Variants in CTBP2 observed in about 807,000 individuals in gnomAD.
CTBP2 encodes the protein C-terminal-binding protein 2.
In CTBP2, 30 loss-of-function variants were observed where a neutral mutation model predicts 80.3. The ratio of observed to expected loss-of-function variants is 0.37; its 90% CI spans 0.28 to 0.51. The LOEUF (loss-of-function observed/expected upper bound fraction) is 0.51, where lower values mean the gene tolerates loss of function less well. CTBP2 is among the 20% of genes least tolerant of loss of function. The pLI is 0.93. For missense variants in CTBP2, 1,212 were observed against 1,375.3 expected, an observed-to-expected ratio of 0.88 and a Z score of 1.88; for synonymous variants, 594 against 587.4, an observed-to-expected ratio of 1.01 and a Z score of -0.16.
chr10:125,111,351 T>C (rs1852265847), intron 1 of CTBP2, among the ~76,000 whole-genome samples: 1 of 152,224 alleles, frequency 6.6e-6, no homozygotes, highest in Admixed American at 6.5e-5. Flanking sequence ...CAGAAGGTGA[T>C]ATTGTGTCAT....
intron 2 of CTBP2, among the ~76,000 whole-genome samples, chr10:125,068,709 G>A (rs2135427213): frequency 6.6e-6 from 1 of 152,298 alleles, no homozygotes; most frequent in Admixed American, 6.5e-5. Flanking sequence ...GAGCTGCAGA[G>A]GACTCATCAG....
At chr10:125,014,154 C>T (rs796444498) in intron 1 of CTBP2, among the ~76,000 whole-genome samples, 66 of 152,338 alleles carry the variant, frequency 4.3e-4, no homozygotes, top group African/African-American at 1.5e-3. Context: ...GATAGTAACA[C>T]GTGTGTGCTG....
intron 2 of CTBP2, among the ~76,000 whole-genome samples, chr10:125,080,619 A>C (rs769067565): frequency 6.6e-6 from 1 of 152,242 alleles, no homozygotes; most frequent in East Asian, 1.9e-4. Context: ...GACGCACATA[A>C]GAAATTTAAA....
intron 1 of CTBP2, among the ~76,000 whole-genome samples, chr10:125,129,810 A>G (rs1004452449): frequency 6.6e-6 from 1 of 152,234 alleles, no homozygotes; most frequent in Admixed American, 6.5e-5. Context: ...TCCAAGTCCA[A>G]GTCTGCAAAC....
chr10:125,058,460 G>A (rs565830182), intron 2 of CTBP2, among the ~76,000 whole-genome samples: 6 of 152,232 alleles, frequency 3.9e-5, no homozygotes, highest in Non-Finnish European at 8.8e-5. Context: ...TTCACACAGC[G>A]AGGCATGGGC....
chr10:125,101,058 A>G (rs1850542914), intron 2 of CTBP2, among the ~76,000 whole-genome samples: 1 of 152,252 alleles, frequency 6.6e-6, no homozygotes, highest in Non-Finnish European at 1.5e-5. Context: ...TACACGATCC[A>G]GGGATCTTAT....
rs368422675 is a variant in CTBP2 at position 125,026,492 on chromosome 10, G to A, written c.1268C>T (p.Ala423Val). ...TGGGGCATGGGTGCCCACGCCAGGG[G>A]CAGAATAGGTGGCTGCCGTCTCCAG... The change falls in exon 1 of 9, where the codon GCC becomes GTC. Residue 423 changes from alanine to valine, a missense_variant. Transcript: ENST00000309035. 126 of 1,602,874 alleles carry A rather than the reference G, an allele frequency of 7.9e-5. No homozygotes were observed. The highest frequency in any genetic ancestry group is 9.5e-5 in the Non-Finnish European group (112 of 1,172,782).
chr10:125,143,215 T>C (rs1406886505), intron 1 of CTBP2, among the ~76,000 whole-genome samples: 2 of 152,076 alleles, frequency 1.3e-5, no homozygotes, highest in African/African-American at 2.4e-5. Flanking sequence ...CGGCCGGGTG[T>C]GTTGGCTCAC....
At chr10:125,097,734 G>C (rs1849754533) in intron 2 of CTBP2, among the ~76,000 whole-genome samples, 1 of 152,166 alleles carries the variant, frequency 6.6e-6, no homozygotes, top group African/African-American at 2.4e-5. Flanking sequence ...TAGGTGAGGG[G>C]CATTGGCAAC....
intron 2 of CTBP2, among the ~76,000 whole-genome samples, chr10:125,075,833 G>T (rs1590580821): frequency 6.6e-6 from 1 of 152,354 alleles, no homozygotes; most frequent in East Asian, 1.9e-4. Flanking sequence ...GCAGCTGGCA[G>T]GAGTGGAAAT....
At position 125,002,856 on chromosome 10, in the gene CTBP2, C is replaced by T. The variant is rs367749596; in HGVS notation, c.1978+104G>A. 1,905 of 1,415,452 alleles carry T rather than the reference C, an allele frequency of 1.3e-3. 41 individuals are homozygous for T. In the South Asian group the frequency reaches 0.023, roughly 17 times the overall value. 87.7% of individuals were successfully genotyped at this position (1,415,452 alleles called of 1,614,324 possible). On this transcript the variant is annotated intron_variant, in intron 3 of 8. Transcript: ENST00000309035. ...GCAGCCACCTTGCTACAGCCAGAAG[C>T]GGCTGCTCCGTGGTCCCAGTTCCAG... is the stretch of plus-strand genomic sequence containing the variant.
chr10:125,154,082 T>C lies in CTBP2; in HGVS notation c.-206+6237A>G, dbSNP rs1179901444. Among the ~76,000 whole-genome samples, 3 of 152,226 alleles carry C rather than the reference T, an allele frequency of 2.0e-5. No individual in the cohort carries two copies. In the East Asian group the frequency reaches 5.8e-4, roughly 29 times the overall value. On this transcript the variant is annotated intron_variant, in intron 1 of 10. Coordinates refer to the CTBP2 transcript ENST00000337195. The stretch of plus-strand genomic sequence containing the variant: ...ATCTTTAAGGCAGCTGACAGTTTCT[T>C]TTAGTCATAATTAAGGATTTGTTTT...
upstream of CTBP2, among the ~76,000 whole-genome samples, chr10:125,162,192 A>G (rs1330539382): frequency 3.3e-5 from 5 of 152,224 alleles, no homozygotes; most frequent in African/African-American, 4.8e-5. Context: ...TGAGATGTCG[A>G]GCAGGAAAGG....
At chr10:125,095,513 G>A (rs1278377605) in intron 2 of CTBP2, among the ~76,000 whole-genome samples, 4 of 152,104 alleles carry the variant, frequency 2.6e-5, no homozygotes, top group African/African-American at 9.7e-5. Flanking sequence ...TTGGTGTTAG[G>A]GGTCACCAGG....
At chr10:124,998,579 T>G (rs1343679725) in intron 3 of CTBP2, 1 of 242,312 alleles carries the variant, frequency 4.1e-6, no homozygotes, top group African/African-American at 2.2e-5. Flanking sequence ...GTCTCCCTCA[T>G]GGAGCTGGCA....
chr10:125,050,888 T>C (rs1258422407), intron 2 of CTBP2, among the ~76,000 whole-genome samples: 1 of 152,190 alleles, frequency 6.6e-6, no homozygotes, highest in East Asian at 1.9e-4. Context: ...CTTGTCATAA[T>C]GAACTGGGGT....
intron 1 of CTBP2, among the ~76,000 whole-genome samples, chr10:125,119,106 C>T (rs1269522932): frequency 6.6e-6 from 1 of 152,176 alleles, no homozygotes; most frequent in Non-Finnish European, 1.5e-5. Context: ...CCCAAGGACA[C>T]CTGATCTAAC....
intron 2 of CTBP2, among the ~76,000 whole-genome samples, chr10:125,046,537 C>CAAAAAAAAAAAAAAAAAAA (rs57913854): frequency 2.6e-5 from 3 of 114,774 alleles, no homozygotes; most frequent in Non-Finnish European, 3.5e-5. Flanking sequence ...GACTCTATCT[C>CAAAAAAAAAAAAAAAAAAA]AAAAAAAAAA....
At position 124,985,660 on chromosome 10, in the gene CTBP2, TTAAG is replaced by T. The variant is rs1302211057; in HGVS notation, c.*3854_*3857del. 1 of 152,090 alleles carries T rather than the reference TTAAG, an allele frequency of 6.6e-6. No individual in the cohort carries two copies. The highest frequency in any genetic ancestry group is 6.6e-5 in the Admixed American group (1 of 15,224). 9.4% of individuals were successfully genotyped at this position (152,090 alleles called of 1,614,324 possible). ...GGTTTTGGTTTTGGTTATTGTGTCTTTAAGTTTTCTGATATGCCCCCTTTCAATA... is the reference window on the plus strand; with the variant it reads ...GGTTTTGGTTTTGGTTATTGTGTCTTTTTTCTGATATGCCCCCTTTCAATA... On this transcript the variant is annotated 3_prime_UTR_variant, in exon 9 of 9. Coordinates refer to ENST00000309035, the MANE Select transcript of CTBP2 (RefSeq NM_022802.3).
Sources: gnomAD v4.1 joint callset for allele counts (sites outside exome capture counted in the v4.1 genomes callset) on GRCh38, gnomAD v4.1.1 for gene constraint, MANE v1.5 for transcripts, NCBI Gene and HGNC (gene_info 2026-07-23, HGNC 2026-07-21) for gene names.